The following PSMA1 variants were observed in gnomAD, a reference collection of about 807,000 sequenced individuals.
PSMA1 encodes the protein proteasome subunit alpha type-1.
A neutral mutation model predicts 38.4 loss-of-function variants in PSMA1; 3 were observed. The ratio of observed to expected loss-of-function variants is 0.08; its 90% CI spans 0.04 to 0.20. PSMA1 has a LOEUF of 0.20. Ranked by LOEUF, PSMA1 falls within the 10% of genes least tolerant of loss-of-function variation. The pLI is 1.00. For missense variants in PSMA1, 227 were observed against 325.3 expected (o/e 0.70, Z 2.32); for synonymous variants, 101 against 107.1 (o/e 0.94, Z 0.35).
intron 2 of PSMA1, among the ~76,000 whole-genome samples, chr11:14,576,554 T>C (rs916953590): frequency 2.6e-5 from 4 of 152,248 alleles, no homozygotes; most frequent in African/African-American, 9.6e-5. Flanking sequence ...CCCCATTTCT[T>C]GTTTTTGTCA....
intron 2 of PSMA1, among the ~76,000 whole-genome samples, chr11:14,572,741 A>C (rs541425713): frequency 1.3e-5 from 2 of 152,268 alleles, no homozygotes; most frequent in African/African-American, 4.8e-5. Flanking sequence ...TTTTTTGAAA[A>C]GATCAACAAA....
chr11:14,517,760 T>C lies in PSMA1; in HGVS notation c.151-15A>G, dbSNP rs761472036. 5 of 1,520,456 alleles carry C rather than the reference T, an allele frequency of 3.3e-6. No individual in the cohort carries two copies. Among genetic ancestry groups the C allele is most frequent in the East Asian group, 2.3e-5 (1 of 43,586 alleles). The allele number at this position is 1,520,456 out of a possible 1,614,324, so 94.2% of individuals were successfully genotyped here. ...GATTGCGCCCTCTAAATAGAGACAT[T>C]ATAAGATGTAAAAAAAAAAAAAAAA... On this transcript the variant is annotated splice_polypyrimidine_tract_variant and intron_variant, in intron 3 of 9. Transcript: ENST00000396394.
In PSMA1 at chr11:14,529,558, A is replaced by G. The variant is rs191813264; in HGVS notation, c.22-10517T>C. 6.0e-4 allele frequency among the ~76,000 whole-genome samples: 91 copies of G among 152,300 alleles called. 1 individual carries two copies. Among genetic ancestry groups the G allele is most frequent in the African/African-American group, 2.0e-3 (85 of 41,554 alleles). On this transcript the variant is annotated intron_variant, in intron 2 of 10. Coordinates refer to the PSMA1 transcript ENST00000418988. ...CCTTCCTTCTTTCAAGTTCAAACAG[A>G]GGAACAGGCAAGAACATTCTTAACT...
Position 14,610,167 on chromosome 11 carries a change from T to C in PSMA1, c.21+799A>G, listed in dbSNP as rs1852692716. ...CTATCTGCTTTCTCAGAGAGCGGCATTTGCAACACCTCTGGGTTCTACAAA... is the reference window on the plus strand; with the variant it reads ...CTATCTGCTTTCTCAGAGAGCGGCACTTGCAACACCTCTGGGTTCTACAAA... On this transcript the variant is annotated intron_variant, in intron 2 of 10. Coordinates refer to the PSMA1 transcript ENST00000418988. Among the ~76,000 whole-genome samples, 4 of 152,192 alleles carry C rather than the reference T, an allele frequency of 2.6e-5. No individual in the cohort carries two copies. In the South Asian group the frequency reaches 8.3e-4, roughly 32 times the overall value.
intron 1 of PSMA1, among the ~76,000 whole-genome samples, chr11:14,623,812 C>T (rs1852880461): frequency 6.6e-6 from 1 of 152,188 alleles, no homozygotes; most frequent in Non-Finnish European, 1.5e-5. Context: ...GCTTCTGCTG[C>T]TTCTGAATGT....
In PSMA1 at chr11:14,591,017, T is replaced by C. The variant is rs577185477; in HGVS notation, c.21+19949A>G. On this transcript the variant is annotated intron_variant, in intron 2 of 10. Transcript: ENST00000418988. ...CCACTGCACTGTGGGAGCCCCTTTC[T>C]GGGCTGGGCAAGGCCAGAGCCGGCT... Among the ~76,000 whole-genome samples the C allele has an allele frequency of 6.3e-3, 961 of 152,318 alleles. 5 individuals carry two copies. Among genetic ancestry groups the C allele is most frequent in the Non-Finnish European group, 0.011 (744 of 68,016 alleles).
intron 1 of PSMA1, 61 bp downstream of exon 1, chr11:14,520,236 C>A (rs970581501): frequency 6.2e-7 from 1 of 1,608,218 alleles, no homozygotes; most frequent in African/African-American, 1.3e-5. Flanking sequence ...AGAGGTGGCT[C>A]GTCATCCCCC....
Position 14,613,955 on chromosome 11 carries a change from T to C in PSMA1, c.-165-2804A>G, listed in dbSNP as rs80027961. Among the ~76,000 whole-genome samples, 1,443 of 152,348 alleles carry C rather than the reference T, an allele frequency of 9.5e-3. 24 individuals are homozygous for C. Among genetic ancestry groups the C allele is most frequent in the African/African-American group, 0.032 (1,350 of 41,574 alleles). ...ACTCTGCTGCTTTCATTTATCCTTC[T>C]ACCTATCCATTCATCCAGTAAATAT... On this transcript the variant is annotated intron_variant, in intron 1 of 10. Transcript: ENST00000418988.
At chr11:14,549,061 T>C (rs1388547289) in intron 2 of PSMA1, among the ~76,000 whole-genome samples, 1 of 152,190 alleles carries the variant, frequency 6.6e-6, no homozygotes, top group Non-Finnish European at 1.5e-5. Flanking sequence ...TTACTGTTTT[T>C]TTTTTCTTTT....
chr11:14,548,439 C>G lies in PSMA1; in HGVS notation c.22-29398G>C, dbSNP rs78287957. On this transcript the variant is annotated intron_variant, in intron 2 of 10. Transcript: ENST00000418988. Reference sequence around the variant, plus strand: ...AGGTGTGTGTGTGTGTGCATGTATACACATACTTTTACATACATATGTATG... The same window carrying G: ...AGGTGTGTGTGTGTGTGCATGTATAGACATACTTTTACATACATATGTATG... 5.2e-4 allele frequency among the ~76,000 whole-genome samples: 79 copies of G among 152,154 alleles called. 1 individual carries two copies. In the East Asian group the frequency reaches 0.013, roughly 25 times the overall value.
At chr11:14,525,111 C>T (rs1031788121), upstream of PSMA1, among the ~76,000 whole-genome samples, 8 of 152,030 alleles carry the variant, frequency 5.3e-5, no homozygotes, top group Admixed American at 3.3e-4. Context: ...TGGGTATTGA[C>T]GGCCAGGCTT....
intron 2 of PSMA1, among the ~76,000 whole-genome samples, chr11:14,591,932 C>A (rs1314672710): frequency 2.0e-5 from 3 of 152,150 alleles, no homozygotes; most frequent in Admixed American, 6.5e-5. Context: ...ACTGCTCACT[C>A]TTTAGGTCCA....
At chr11:14,558,404 A>G (rs1361639019) in intron 2 of PSMA1, among the ~76,000 whole-genome samples, 1 of 152,164 alleles carries the variant, frequency 6.6e-6, no homozygotes, top group Non-Finnish European at 1.5e-5. Flanking sequence ...CAACAGAGTA[A>G]GCTCCTGTCT....
In PSMA1 at chr11:14,520,317, G is replaced by A; in HGVS notation, c.-18C>T. 6.2e-7 allele frequency: 1 copy of A among 1,614,216 alleles called. No homozygotes were observed. The highest frequency in any genetic ancestry group is 1.1e-5 in the South Asian group (1 of 91,088). Reference sequence around the variant, plus strand: ...CGTACCATGGTGGCGGCGCGGGCCTGGTTGCGGCCTCCAGCAAAACTGAGA... The same window carrying A: ...CGTACCATGGTGGCGGCGCGGGCCTAGTTGCGGCCTCCAGCAAAACTGAGA... On this transcript the variant is annotated 5_prime_UTR_variant, in exon 1 of 10. Transcript: ENST00000396394.
chr11:14,568,735 C>T (rs1450463803), intron 2 of PSMA1, among the ~76,000 whole-genome samples: 1 of 152,226 alleles, frequency 6.6e-6, no homozygotes, highest in Non-Finnish European at 1.5e-5. Flanking sequence ...TTAGGGAGCT[C>T]TTAGTGTCTT....
intron 1 of PSMA1, 164 bp from the exon 2 acceptor site, chr11:14,519,205 A>G (rs747982850): frequency 1.4e-6 from 1 of 692,832 alleles, no homozygotes; most frequent in South Asian, 1.5e-5. Flanking sequence ...AGCCAATTCT[A>G]CATTTACCAT....
At chr11:14,580,400 A>C (rs952015301) in intron 2 of PSMA1, among the ~76,000 whole-genome samples, 3 of 152,032 alleles carry the variant, frequency 2.0e-5, no homozygotes, top group African/African-American at 7.2e-5. Flanking sequence ...ACACCTCAAG[A>C]CCACTTTTCC....
rs190751690 is a variant in PSMA1 at position 14,597,764 on chromosome 11, T to A, written c.21+13202A>T. Among the ~76,000 whole-genome samples the A allele has an allele frequency of 1.2e-4, 18 of 152,288 alleles. No individual in the cohort carries two copies. In the East Asian group the frequency reaches 3.3e-3, roughly 28 times the overall value. On this transcript the variant is annotated intron_variant, in intron 2 of 10. Coordinates refer to the PSMA1 transcript ENST00000418988. ...TCTATCTCTTTCAGTTCTGCTCTGA[T>A]CTTAGTTATTTCTTGCCTTCTGCTA...
intron 2 of PSMA1, among the ~76,000 whole-genome samples, chr11:14,570,837 T>A (rs1852130662): frequency 6.6e-6 from 1 of 151,988 alleles, no homozygotes; most frequent in Non-Finnish European, 1.5e-5. Flanking sequence ...ACATTCAAAT[T>A]CAGGAAATAC....
Sources: allele counts gnomAD v4.1 joint callset (sites outside exome capture counted in the v4.1 genomes callset), GRCh38; gene constraint gnomAD v4.1.1; transcripts MANE v1.5; gene names NCBI Gene and HGNC (gene_info 2026-07-23, HGNC 2026-07-21).